KIAA0319L: variants seen among roughly 807,000 people sequenced by gnomAD.
KIAA0319L encodes dyslexia-associated protein KIAA0319-like protein.
A neutral mutation model predicts 120.1 loss-of-function variants in KIAA0319L; 55 were observed. That is an observed-to-expected ratio of 0.46 (90% CI 0.37 to 0.57). KIAA0319L has a LOEUF of 0.57. Among genes scored for constraint, KIAA0319L ranks in the 20% least tolerant of loss-of-function variants. The probability of loss-of-function intolerance (pLI) is 0.00; values close to 1 mark genes in which losing one functional copy is unlikely to be tolerated. For synonymous variants in KIAA0319L, 398 were observed against 471.9 expected, an observed-to-expected ratio of 0.84 and a Z score of 2.03; for missense variants, 1,049 against 1,255.3, an observed-to-expected ratio of 0.84 and a Z score of 2.48.
At chr1:35,445,990 T>C (rs1330364911) in intron 16 of KIAA0319L, among the ~76,000 whole-genome samples, 1 of 152,172 alleles carries the variant, frequency 6.6e-6, no homozygotes, top group Non-Finnish European at 1.5e-5. Context: ...CAAGCAGCCA[T>C]TTGCCCTGTT....
chr1:35,465,846 GT>G (rs1643223006), intron 7 of KIAA0319L, among the ~76,000 whole-genome samples: 1 of 151,186 alleles, frequency 6.6e-6, no homozygotes, highest in South Asian at 2.1e-4. Flanking sequence ...AGATTTGATG[GT>G]TTTAAAAATG....
At chr1:35,465,953 C>G (rs1643234175) in intron 7 of KIAA0319L, among the ~76,000 whole-genome samples, 1 of 152,126 alleles carries the variant, frequency 6.6e-6, no homozygotes, top group Non-Finnish European at 1.5e-5. Flanking sequence ...TGAGGCCTCC[C>G]CAGCCACGTG....
In KIAA0319L at chr1:35,464,383, G is replaced by A. The variant is rs115606623; in HGVS notation, c.1202-1670C>T. ...CAAAGGTGACTCTTGCTATGTTTTCGCAGAGACTGGCAGCATTTTGCCCCG... is the reference window on the plus strand; with the variant it reads ...CAAAGGTGACTCTTGCTATGTTTTCACAGAGACTGGCAGCATTTTGCCCCG... On this transcript the variant is annotated intron_variant, in intron 7 of 20. Coordinates refer to ENST00000325722, the MANE Select transcript of KIAA0319L (RefSeq NM_024874.5). Among the ~76,000 whole-genome samples, 1,302 of 152,266 alleles carry A rather than the reference G, an allele frequency of 8.6e-3. 13 individuals are homozygous for A. The highest frequency in any genetic ancestry group is 0.027 in the African/African-American group (1,117 of 41,540).
At chr1:35,507,288 AAG>A (rs1475864382) in intron 2 of KIAA0319L, among the ~76,000 whole-genome samples, 153 bp from the exon 3 acceptor site, 1 of 152,190 alleles carries the variant, frequency 6.6e-6, no homozygotes, top group Non-Finnish European at 1.5e-5. Flanking sequence ...AAGGAAGTGA[AAG>A]AGAGTGTTTT....
intron 17 of KIAA0319L, 198 bp downstream of exon 17, chr1:35,443,963 G>T (rs1222318330): frequency 4.6e-6 from 2 of 438,586 alleles, no homozygotes; most frequent in African/African-American, 2.0e-5. Flanking sequence ...TTCTGAACAC[G>T]ATCTCAGGGG....
At chr1:35,477,093 C>T (rs568248375) in intron 4 of KIAA0319L, among the ~76,000 whole-genome samples, 1 of 151,970 alleles carries the variant, frequency 6.6e-6, no homozygotes, top group South Asian at 2.1e-4. Flanking sequence ...GGGATAACAT[C>T]AAATTAAAAA....
At chr1:35,455,125 A>G (rs1157376182) in intron 10 of KIAA0319L, among the ~76,000 whole-genome samples, 1 of 152,228 alleles carries the variant, frequency 6.6e-6, no homozygotes, top group Non-Finnish European at 1.5e-5. Context: ...AGCAGTAGGC[A>G]AAAACTAGTA....
Position 35,557,224 on chromosome 1 carries a change from T to G in KIAA0319L, c.-46A>C, listed in dbSNP as rs547630215. 9.3e-4 allele frequency: 172 copies of G among 184,996 alleles called. 1 individual carries two copies. The highest frequency in any genetic ancestry group is 7.9e-3 in the Middle Eastern group (3 of 382). The allele number at this position is 184,996 out of a possible 1,614,324, so 11.5% of individuals were successfully genotyped here. A position where few individuals can be genotyped will look rare whatever the true frequency, so the allele number is the denominator to read the frequency against. On this transcript the variant is annotated 5_prime_UTR_variant, in exon 1 of 21. The change abolishes an upstream ATG in the 5' untranslated region. Transcript: ENST00000325722. ...CCACCTACCGGGGCTCAGGGCCACA[T>G]AGCGGGGCCCCGGCTCTCGGCGGCC...
rs1003974844 is a variant in KIAA0319L, at chr1:35,504,418, G to C, written c.666+2194C>G. Among the ~76,000 whole-genome samples the C allele has an allele frequency of 4.6e-5, 7 of 152,184 alleles. No homozygotes were observed. The East Asian group carries it at 1.2e-3, about 25-fold the overall frequency. On this transcript the variant is annotated intron_variant, in intron 3 of 20. Transcript: ENST00000325722. ...TCACCGTGTTATCCAGAATGGTCTC[G>C]ATCTCCTGACCTTGTGATCCGCCCG...
At chr1:35,534,284 T>G (rs1198384531) in intron 2 of KIAA0319L, among the ~76,000 whole-genome samples, 2 of 152,190 alleles carry the variant, frequency 1.3e-5, no homozygotes, top group Non-Finnish European at 2.9e-5. Flanking sequence ...ATATTCTGAC[T>G]TCTTTCCCTT....
At chr1:35,447,011 C>G (rs1301022356) in intron 16 of KIAA0319L, among the ~76,000 whole-genome samples, 1 of 152,146 alleles carries the variant, frequency 6.6e-6, no homozygotes, top group Non-Finnish European at 1.5e-5. Flanking sequence ...TCCAGACATC[C>G]AAACCAAAAG....
intron 3 of KIAA0319L, among the ~76,000 whole-genome samples, chr1:35,500,811 T>C (rs188470227): frequency 1.3e-5 from 2 of 152,330 alleles, no homozygotes; most frequent in East Asian, 3.9e-4. Flanking sequence ...AAGGCAATTC[T>C]CAATGCACAA....
intron 3 of KIAA0319L, among the ~76,000 whole-genome samples, chr1:35,500,553 T>C (rs1161624084): frequency 6.6e-6 from 1 of 152,238 alleles, no homozygotes; most frequent in African/African-American, 2.4e-5. Flanking sequence ...AAATGCAGAC[T>C]GACAATCCAA....
intron 2 of KIAA0319L, among the ~76,000 whole-genome samples, chr1:35,526,151 C>T (rs898305912): frequency 2.0e-5 from 3 of 151,562 alleles, no homozygotes; most frequent in Admixed American, 6.6e-5. Context: ...GCTATTAATA[C>T]GTGGGTTTAT....
chr1:35,449,847 T>A lies in KIAA0319L; in HGVS notation c.2353+20A>T, dbSNP rs752074097. On this transcript the variant is annotated intron_variant, in intron 15 of 20. Transcript: ENST00000325722. ...GCTGATTCAGCAATTCTACTCAGCC[T>A]CATCACTAAATGAACTCACCAGGTT... The A allele has an allele frequency of 6.2e-7, 1 of 1,613,502 alleles. No homozygotes were observed. Among genetic ancestry groups the A allele is most frequent in the Admixed American group, 1.7e-5 (1 of 60,012 alleles).
chr1:35,515,169 G>A (rs925018783), intron 2 of KIAA0319L, among the ~76,000 whole-genome samples: 12 of 152,030 alleles, frequency 7.9e-5, no homozygotes, highest in South Asian at 4.2e-4. Context: ...AAAATTAGCC[G>A]GGTGTGCTGG....
intron 3 of KIAA0319L, among the ~76,000 whole-genome samples, chr1:35,503,946 T>G (rs895966142): frequency 6.9e-6 from 1 of 145,640 alleles, no homozygotes; most frequent in Non-Finnish European, 1.5e-5. Context: ...AGTGCAGTGG[T>G]GCAATCTCGG....
chr1:35,483,093 G>A (rs1471017901), intron 3 of KIAA0319L, among the ~76,000 whole-genome samples: 1 of 152,020 alleles, frequency 6.6e-6, no homozygotes, highest in Non-Finnish European at 1.5e-5. Flanking sequence ...TTTAAAATGG[G>A]TTACTAGTTT....
intron 3 of KIAA0319L, among the ~76,000 whole-genome samples, chr1:35,481,984 C>T (rs546209208): frequency 6.6e-5 from 10 of 152,068 alleles, no homozygotes; most frequent in African/African-American, 2.2e-4. Flanking sequence ...GCCACCATGC[C>T]CAGCTAATTT....
Sources: allele counts gnomAD v4.1 joint callset (sites outside exome capture counted in the v4.1 genomes callset), GRCh38; gene constraint gnomAD v4.1.1; transcripts MANE v1.5; gene names NCBI Gene and HGNC (gene_info 2026-07-23, HGNC 2026-07-21).